RFX3: variants seen among roughly 807,000 people sequenced by gnomAD.
RFX3 encodes the protein transcription factor RFX3.
RFX3 carries 14 observed loss-of-function variants against 98.6 expected under a neutral mutation model. The ratio of observed to expected loss-of-function variants is 0.14; its 90% CI spans 0.09 to 0.22. The LOEUF is 0.22. Ranked by LOEUF, RFX3 falls within the 10% of genes least tolerant of loss-of-function variation. RFX3 has a pLI of 1.00. For missense variants in RFX3, 639 were observed against 926.9 expected (o/e 0.69, Z 4.03); for synonymous variants, 383 against 328.4 (o/e 1.17, Z -1.80).
intron 1 of RFX3, among the ~76,000 whole-genome samples, chr9:3,443,316 A>C (rs2380762): frequency 0.19 from 28,418 of 152,104 alleles, 4,226 homozygotes; most frequent in African/African-American, 0.41. Context: ...TATTAAGCCC[A>C]GCATCCATTA....
intron 1 of RFX3, among the ~76,000 whole-genome samples, chr9:3,414,707 TGA>T (rs1433360745): frequency 1.3e-3 from 170 of 129,838 alleles, no homozygotes; most frequent in East Asian, 5.8e-3. Flanking sequence ...TGAGTATATA[TGA>T]GTATATATGT....
intron 2 of RFX3, among the ~76,000 whole-genome samples, chr9:3,348,908 T>C (rs1214297157): frequency 6.6e-6 from 1 of 152,086 alleles, no homozygotes; most frequent in Non-Finnish European, 1.5e-5. Context: ...TTATGTCATA[T>C]TTCCTACTCA....
intron 9 of RFX3, among the ~76,000 whole-genome samples, chr9:3,273,084 C>T (rs2131367099): frequency 6.6e-6 from 1 of 152,194 alleles, no homozygotes; most frequent in East Asian, 1.9e-4. Flanking sequence ...CATTTGTCCA[C>T]CTACTTTCAA....
chr9:3,292,270 T>C (rs557629087), intron 6 of RFX3, among the ~76,000 whole-genome samples: 2 of 152,088 alleles, frequency 1.3e-5, no homozygotes, highest in South Asian at 2.1e-4. Flanking sequence ...ATTTATCTTA[T>C]GATAATTTAT....
intron 1 of RFX3, among the ~76,000 whole-genome samples, chr9:3,459,771 C>G (rs1252463517): frequency 6.6e-6 from 1 of 152,026 alleles, no homozygotes; most frequent in Non-Finnish European, 1.5e-5. Flanking sequence ...TCTCATCCTA[C>G]TACATTCTTA....
chr9:3,505,968 G>C (rs1817050510), intron 1 of RFX3, among the ~76,000 whole-genome samples: 1 of 151,504 alleles, frequency 6.6e-6, no homozygotes, highest in African/African-American at 2.4e-5. Context: ...TTCACTTCTT[G>C]GCCCCTACTT....
At chr9:3,502,026 C>T (rs1328189765) in intron 1 of RFX3, among the ~76,000 whole-genome samples, 2 of 151,414 alleles carry the variant, frequency 1.3e-5, no homozygotes, top group South Asian at 2.1e-4. Flanking sequence ...CCGAGGCGGG[C>T]GGATCACGAG....
At chr9:3,405,909 T>C (rs1841924348) in intron 1 of RFX3, among the ~76,000 whole-genome samples, 1 of 152,152 alleles carries the variant, frequency 6.6e-6, no homozygotes, top group South Asian at 2.1e-4. Flanking sequence ...TCCAGCCTTA[T>C]GGAACTACCC....
chr9:3,483,343 T>C (rs752124951), intron 1 of RFX3, among the ~76,000 whole-genome samples: 2 of 152,236 alleles, frequency 1.3e-5, no homozygotes, highest in East Asian at 3.8e-4. Context: ...CAATCTATAA[T>C]AACAATAGTG....
chr9:3,447,074 G>A (rs1009167916), intron 1 of RFX3, among the ~76,000 whole-genome samples: 1 of 152,018 alleles, frequency 6.6e-6, no homozygotes, highest in Non-Finnish European at 1.5e-5. Flanking sequence ...GAATCCCTTA[G>A]TCTATGAAAT....
chr9:3,445,391 A>T (rs1000325884), intron 1 of RFX3, among the ~76,000 whole-genome samples: 2 of 152,164 alleles, frequency 1.3e-5, no homozygotes, highest in African/African-American at 4.8e-5. Flanking sequence ...TGAACACATC[A>T]ACTTATCAAT....
At chr9:3,303,840 A>G (rs1341451208) in intron 4 of RFX3, among the ~76,000 whole-genome samples, 2 of 151,970 alleles carry the variant, frequency 1.3e-5, no homozygotes, top group Non-Finnish European at 2.9e-5. Context: ...GAACAGATAC[A>G]CTGACATTCT....
intron 1 of RFX3, among the ~76,000 whole-genome samples, chr9:3,420,250 T>C (rs555485991): frequency 6.6e-6 from 1 of 152,158 alleles, no homozygotes; most frequent in Admixed American, 6.5e-5. Context: ...AGGAAAGCAC[T>C]CATACACAGG....
At chr9:3,481,624 T>C (rs747039515) in intron 1 of RFX3, among the ~76,000 whole-genome samples, 1 of 151,750 alleles carries the variant, frequency 6.6e-6, no homozygotes, top group Non-Finnish European at 1.5e-5. Flanking sequence ...AAAAGAATCA[T>C]ATTTTTAAAC....
In RFX3 at chr9:3,221,322, T is replaced by C. The variant is rs763967228; in HGVS notation, c.*3720A>G. 2 of 152,200 alleles carry C rather than the reference T, an allele frequency of 1.3e-5. No homozygotes were observed. The highest frequency in any genetic ancestry group is 1.9e-4 in the East Asian group (1 of 5,202). The allele number at this position is 152,200 out of a possible 1,614,324, so 9.4% of individuals were successfully genotyped here. ...CAGTGCATTCATATAAAAAGATTCA[T>C]GATTACGGCACTAAAACCGTATTCA... is the stretch of plus-strand genomic sequence containing the variant. On this transcript the variant is annotated 3_prime_UTR_variant, in exon 17 of 17. Coordinates refer to ENST00000617270, the MANE Select transcript of RFX3 (RefSeq NM_001282116.2).
intron 2 of RFX3, among the ~76,000 whole-genome samples, chr9:3,386,005 T>C (rs1216049200): frequency 6.6e-6 from 1 of 152,126 alleles, no homozygotes; most frequent in Non-Finnish European, 1.5e-5. Flanking sequence ...TGGGTGCCTA[T>C]TCAAAGTGAA....
rs1383134162 is a variant in RFX3, at chr9:3,485,821, G to C, written c.-9+39926C>G. 2.6e-5 allele frequency among the ~76,000 whole-genome samples: 4 copies of C among 152,022 alleles called. No homozygotes were observed. The East Asian group carries it at 5.8e-4, about 22-fold the overall frequency. Reference sequence around the variant, plus strand: ...ATCCAAGAACTTTAAACCTGGTAAAGACTTTAAGAATAATAGATATTGGCT... The same window carrying C: ...ATCCAAGAACTTTAAACCTGGTAAACACTTTAAGAATAATAGATATTGGCT... On this transcript the variant is annotated intron_variant, in intron 1 of 16. Transcript: ENST00000617270.
Position 3,406,118 on chromosome 9 carries a change from G to C in RFX3, c.-8-10522C>G, listed in dbSNP as rs376379804. 5.1e-4 allele frequency among the ~76,000 whole-genome samples: 77 copies of C among 151,946 alleles called. 2 individuals are homozygous for C. The highest frequency in any genetic ancestry group is 1.8e-3 in the African/African-American group (76 of 41,452). On this transcript the variant is annotated intron_variant, in intron 1 of 16. Coordinates refer to ENST00000617270, the MANE Select transcript of RFX3 (RefSeq NM_001282116.2). Reference sequence around the variant, plus strand: ...ACCATGTGCACATGCCACCACGCCTGACAGCTAATTTTTTGGATTTTTTTT... The same window carrying C: ...ACCATGTGCACATGCCACCACGCCTCACAGCTAATTTTTTGGATTTTTTTT...
At chr9:3,258,003 G>C (rs956324140) in intron 13 of RFX3, among the ~76,000 whole-genome samples, 1 of 152,108 alleles carries the variant, frequency 6.6e-6, no homozygotes, top group African/African-American at 2.4e-5. Context: ...CCAGTGCTAT[G>C]TTGTATTTTA....
Sources: gnomAD v4.1 joint callset for allele counts (sites outside exome capture counted in the v4.1 genomes callset) on GRCh38, gnomAD v4.1.1 for gene constraint, MANE v1.5 for transcripts, NCBI Gene and HGNC (gene_info 2026-07-23, HGNC 2026-07-21) for gene names.